Variants in STX8 observed in about 807,000 individuals in gnomAD.
The protein encoded by STX8 is syntaxin 8.
In STX8, 23 loss-of-function variants were observed where a neutral mutation model predicts 37.5. That is an observed-to-expected ratio of 0.61 (90% CI 0.44 to 0.87). The LOEUF is 0.87. Among genes scored for constraint, STX8 ranks in the 40% least tolerant of loss-of-function variants. The pLI is 0.00. For synonymous variants in STX8, 115 were observed against 99.1 expected, an observed-to-expected ratio of 1.16 and a Z score of -0.95; for missense variants, 313 against 284.7, an observed-to-expected ratio of 1.10 and a Z score of -0.71.
intron 3 of STX8, among the ~76,000 whole-genome samples, chr17:9,556,283 C>T (rs1163116204): frequency 1.3e-5 from 2 of 151,854 alleles, no homozygotes; most frequent in East Asian, 3.9e-4. Context: ...CCTGAAATAC[C>T]AAAAATTGGG....
intron 4 of STX8, among the ~76,000 whole-genome samples, chr17:9,537,338 G>A (rs1224560055): frequency 2.0e-5 from 3 of 152,222 alleles, no homozygotes; most frequent in African/African-American, 4.8e-5. Flanking sequence ...GGCTGAGTGT[G>A]TGAAACTTGC....
chr17:9,488,816 G>C (rs1906718191), intron 6 of STX8, among the ~76,000 whole-genome samples: 1 of 108,350 alleles, frequency 9.2e-6, no homozygotes, highest in Non-Finnish European at 2.0e-5. Flanking sequence ...GAGAGAGAGA[G>C]AGAGAGTGTG....
intron 3 of STX8, among the ~76,000 whole-genome samples, chr17:9,549,138 CAGGAT>C (rs1906663159): frequency 6.6e-6 from 1 of 151,912 alleles, no homozygotes; most frequent in Admixed American, 6.6e-5. Context: ...TGAGATGAGA[CAGGAT>C]AGAATAAGGA....
intron 7 of STX8, among the ~76,000 whole-genome samples, chr17:9,358,080 G>T (rs765812974): frequency 6.6e-6 from 1 of 152,158 alleles, no homozygotes; most frequent in Admixed American, 6.5e-5. Flanking sequence ...CAATTTTTAG[G>T]TGCAGTGGCT....
At chr17:9,481,290 G>A (rs1334293951) in intron 6 of STX8, among the ~76,000 whole-genome samples, 2 of 152,232 alleles carry the variant, frequency 1.3e-5, no homozygotes, top group Admixed American at 6.5e-5. Context: ...GCTCTGGGCT[G>A]TGGATGAGCG....
intron 2 of STX8, among the ~76,000 whole-genome samples, chr17:9,559,836 C>T (rs774367272): frequency 0.012 from 59 of 4,796 alleles, no homozygotes; most frequent in Admixed American, 0.093. Context: ...GATCTCAGCT[C>T]ACTACAACCT....
chr17:9,378,231 T>C, intron 7 of STX8: 1 of 213,378 alleles, frequency 4.7e-6, no homozygotes, highest in Non-Finnish European at 9.4e-6. Context: ...CAAAAGCAAG[T>C]GAGATCCCCT....
At position 9,335,811 on chromosome 17, in the gene STX8, T is replaced by TCA. The variant is rs1160392125; in HGVS notation, c.643+42740_643+42741insTG. Among the ~76,000 whole-genome samples, 272 of 99,640 alleles carry TCA rather than the reference T, an allele frequency of 2.7e-3. 2 individuals are homozygous for TCA. The highest frequency in any genetic ancestry group is 0.012 in the South Asian group (27 of 2,178). 65.4% of individuals were successfully genotyped at this position (99,640 alleles called of 152,430 possible). A position where few individuals can be genotyped will look rare whatever the true frequency, so the allele number is the denominator to read the frequency against. ...TGGCATTCAAGGTGGGCTCTCTCTC[T>TCA]CTCACACACACACACACGTAGACAC... On this transcript the variant is annotated intron_variant, in intron 7 of 7. Transcript: ENST00000306357.
intron 7 of STX8, among the ~76,000 whole-genome samples, chr17:9,371,795 G>A (rs1174909819): frequency 1.3e-5 from 2 of 151,642 alleles, no homozygotes; most frequent in African/African-American, 2.4e-5. Context: ...TATAGTTTTC[G>A]GGTTTCTTAA....
At chr17:9,455,752 C>T (rs962669212) in intron 6 of STX8, among the ~76,000 whole-genome samples, 1 of 152,162 alleles carries the variant, frequency 6.6e-6, no homozygotes, top group Non-Finnish European at 1.5e-5. Flanking sequence ...ACTTCAGCAA[C>T]AGTCAATGTC....
At chr17:9,532,164 A>G (rs1199895904) in intron 4 of STX8, among the ~76,000 whole-genome samples, 8 of 130,386 alleles carry the variant, frequency 6.1e-5, no homozygotes, top group South Asian at 4.4e-4. Context: ...ATGGTGAGGG[A>G]AAAAAAAAAA....
intron 7 of STX8, among the ~76,000 whole-genome samples, chr17:9,291,706 G>A (rs546789623): frequency 7.1e-4 from 108 of 152,048 alleles, no homozygotes; most frequent in Non-Finnish European, 1.3e-3. Context: ...GTCCTCTTTG[G>A]AATACATAGG....
In STX8 at chr17:9,558,389, C is replaced by T. The variant is rs1197963399; in HGVS notation, c.118-861G>A. 3.9e-5 allele frequency among the ~76,000 whole-genome samples: 6 copies of T among 152,152 alleles called. No individual in the cohort carries two copies. The East Asian group carries it at 1.2e-3, about 29-fold the overall frequency. On this transcript the variant is annotated intron_variant, in intron 2 of 7. Transcript: ENST00000306357. ...GGAAAACCAGCCAGTGTGTCAGAGA[C>T]TGGCCCAGACTGCACACATCCAGCA... is the stretch of plus-strand genomic sequence containing the variant.
intron 1 of STX8, among the ~76,000 whole-genome samples, chr17:9,571,896 C>T (rs1907704421): frequency 6.8e-6 from 1 of 147,990 alleles, no homozygotes; most frequent in Admixed American, 6.8e-5. Context: ...GCCTGGGCGA[C>T]GGAGCAAGAC....
intron 6 of STX8, among the ~76,000 whole-genome samples, chr17:9,398,205 C>G (rs915245122): frequency 6.6e-6 from 1 of 152,090 alleles, no homozygotes; most frequent in African/African-American, 2.4e-5. Flanking sequence ...AGAAGCCTAA[C>G]GAACACCACC....
At chr17:9,408,750 G>A (rs1208026925) in intron 6 of STX8, among the ~76,000 whole-genome samples, 1 of 152,168 alleles carries the variant, frequency 6.6e-6, no homozygotes, top group African/African-American at 2.4e-5. Context: ...GGTAGACAAT[G>A]TATCTGGATT....
intron 6 of STX8, among the ~76,000 whole-genome samples, chr17:9,490,505 G>A (rs1245514170): frequency 1.3e-5 from 2 of 152,136 alleles, no homozygotes; most frequent in Non-Finnish European, 2.9e-5. Flanking sequence ...CCGAGTAGCT[G>A]TGACTACAGG....
chr17:9,459,983 A>T (rs1249859641), intron 6 of STX8, among the ~76,000 whole-genome samples: 11 of 152,234 alleles, frequency 7.2e-5, no homozygotes, highest in Admixed American at 7.2e-4. Context: ...AGCTGGCAAG[A>T]CAGAAATGTG....
chr17:9,385,550 C>T lies in STX8; in HGVS notation c.542-6897G>A, dbSNP rs1254935398. Among the ~76,000 whole-genome samples, 3 of 152,076 alleles carry T rather than the reference C, an allele frequency of 2.0e-5. 1 individual carries two copies. Among genetic ancestry groups the T allele is most frequent in the Admixed American group, 2.0e-4 (3 of 15,284 alleles). On this transcript the variant is annotated intron_variant, in intron 6 of 7. Transcript: ENST00000306357. ...AAGATATACAAATGGCCAATAAACA[C>T]ATGAAAAACAGCTCAAATATTGTTA...
Sources: gnomAD v4.1 joint callset for allele counts (sites outside exome capture counted in the v4.1 genomes callset) on GRCh38, gnomAD v4.1.1 for gene constraint, MANE v1.5 for transcripts, NCBI Gene and HGNC (gene_info 2026-07-23, HGNC 2026-07-21) for gene names.